The following SAV1 variants were observed in gnomAD, a reference collection of about 807,000 sequenced individuals.
The protein encoded by SAV1 is salvador family WW domain containing protein 1.
A neutral mutation model predicts 47.3 loss-of-function variants in SAV1; 23 were observed. That is an observed-to-expected ratio of 0.49 (90% CI 0.35 to 0.69). SAV1 has a LOEUF of 0.69. Ranked by LOEUF, SAV1 falls within the 30% of genes least tolerant of loss-of-function variation. The probability of loss-of-function intolerance (pLI) is 0.01; values close to 1 mark genes in which losing one functional copy is unlikely to be tolerated. For synonymous variants in SAV1, 155 were observed against 159.2 expected (o/e 0.97, Z 0.20); for missense variants, 448 against 457.4 (o/e 0.98, Z 0.19).
Position 50,667,160 on chromosome 14 carries a change from G to A in SAV1, c.94+714C>T, listed in dbSNP as rs1316615230. 2.6e-5 allele frequency among the ~76,000 whole-genome samples: 4 copies of A among 151,754 alleles called. No individual in the cohort carries two copies. In the East Asian group the frequency reaches 7.8e-4, roughly 29 times the overall value. The stretch of plus-strand genomic sequence containing the variant: ...TCAAATACTTACATTAAGAAGAAAA[G>A]CAGCGGGGGACCGGAGGTGGGGATT... On this transcript the variant is annotated intron_variant, in intron 1 of 4. Transcript: ENST00000324679.
At chr14:50,665,796 T>A (rs571126134) in intron 1 of SAV1, among the ~76,000 whole-genome samples, 177 bp from the exon 2 acceptor site, 1 of 152,322 alleles carries the variant, frequency 6.6e-6, no homozygotes, top group East Asian at 1.9e-4. Flanking sequence ...AAGATTAATA[T>A]TTTCCCAATC....
rs559111047 is a variant in SAV1, at chr14:50,658,725, T to C, written c.535+6454A>G. Reference sequence around the variant, plus strand: ...ATAGATCTATCGCACAAACCTATCCTATCCTCCTACAAACTTACTTTCTCC... The same window carrying C: ...ATAGATCTATCGCACAAACCTATCCCATCCTCCTACAAACTTACTTTCTCC... On this transcript the variant is annotated intron_variant, in intron 2 of 4. Coordinates refer to ENST00000324679, the MANE Select transcript of SAV1 (RefSeq NM_021818.4). Among the ~76,000 whole-genome samples, 9 of 152,360 alleles carry C rather than the reference T, an allele frequency of 5.9e-5. No individual in the cohort carries two copies. In the East Asian group the frequency reaches 1.7e-3, roughly 29 times the overall value.
chr14:50,634,093 T>C lies in SAV1; in HGVS notation c.*1090A>G. The C allele has an allele frequency of 2.6e-6, 1 of 388,092 alleles. No individual in the cohort carries two copies. 24.0% of individuals were successfully genotyped at this position (388,092 alleles called of 1,614,324 possible). A position where few individuals can be genotyped will look rare whatever the true frequency, so the allele number is the denominator to read the frequency against. ...TGTCATTTTTGGTAGCTTAACCCAGTCTGTCAGAAGGCAGTATGCTATGCT... is the reference window on the plus strand; with the variant it reads ...TGTCATTTTTGGTAGCTTAACCCAGCCTGTCAGAAGGCAGTATGCTATGCT... On this transcript the variant is annotated 3_prime_UTR_variant, in exon 5 of 5. Coordinates refer to ENST00000324679, the MANE Select transcript of SAV1 (RefSeq NM_021818.4).
At chr14:50,667,311 C>T (rs2039910012) in intron 1 of SAV1, 1 of 358,678 alleles carries the variant, frequency 2.8e-6, no homozygotes, top group African/African-American at 2.1e-5. Flanking sequence ...AGGCTTTTGG[C>T]TCTCTGCTCT....
chr14:50,645,921 T>A (rs986132452), intron 2 of SAV1, among the ~76,000 whole-genome samples: 4 of 152,156 alleles, frequency 2.6e-5, no homozygotes, highest in African/African-American at 9.7e-5. Context: ...TAATTTATAA[T>A]AGCTCCAAAG....
rs773211544 is a variant in SAV1 at position 50,645,007 on chromosome 14, C to T, written c.543G>A (p.Gly181=). Residue 181 remains glycine, a synonymous_variant, in exon 3 of 5, where the codon GGG becomes GGA. Transcript: ENST00000324679. ...QNQGRHASGI[G]RVAATSLGNL... ...TTCCTAAAGATGTAGCAGCAACTCT[C>T]CCAATACCTACGGGGAAAGAGAAAA... The T allele has an allele frequency of 5.6e-6, 9 of 1,608,142 alleles. No homozygotes were observed. In the South Asian group the frequency reaches 6.6e-5, roughly 12 times the overall value.
rs1181309843 is a variant in SAV1 at position 50,644,909 on chromosome 14, C to T, written c.641G>A (p.Arg214Lys). Residue 214 changes from arginine (R) to lysine (K), a missense_variant, in exon 3 of 5, where the codon AGA becomes AAA. Physicochemically the swap from Arg to Lys is conservative, Grantham distance 26 (BLOSUM62 2). Transcript: ENST00000324679. Reference sequence around the variant, plus strand: ...TGTGTTATGATCTATATAATATTTTCTCCCTCTCATTGTCCAGTCCACAGA... The same window carrying T: ...TGTGTTATGATCTATATAATATTTTTTCCCTCTCATTGTCCAGTCCACAGA... ...GWSVDWTMRG[R>K]KYYIDHNTNT... is the part of the protein sequence containing the mutation. 3 of 1,614,102 alleles carry T rather than the reference C, an allele frequency of 1.9e-6. No individual in the cohort carries two copies. The African/African-American group carries it at 4.0e-5, about 22-fold the overall frequency.
At chr14:50,665,070 T>C (rs1345240561) in intron 2 of SAV1, 109 bp downstream of exon 2, 9 of 1,415,770 alleles carry the variant, frequency 6.4e-6, no homozygotes, top group Middle Eastern at 2.6e-4. Context: ...TGGAAAAACA[T>C]TTCGCTAGTA....
In SAV1 at chr14:50,668,209, T is replaced by A; in HGVS notation, c.-242A>T. 4.1e-6 allele frequency: 1 copy of A among 242,218 alleles called. No homozygotes were observed. The highest frequency in any genetic ancestry group is 7.8e-6 in the Non-Finnish European group (1 of 127,772). The allele number at this position is 242,218 out of a possible 1,614,324, so 15.0% of individuals were successfully genotyped here. A position where few individuals can be genotyped will look rare whatever the true frequency, so the allele number is the denominator to read the frequency against. On this transcript the variant is annotated 5_prime_UTR_variant, in exon 1 of 5. Transcript: ENST00000324679. Reference sequence around the variant, plus strand: ...TTCCTTCCCGGAAGTCGGCCCGCTCTGCGACGCTGCTCGGGGACGCCGTGA... The same window carrying A: ...TTCCTTCCCGGAAGTCGGCCCGCTCAGCGACGCTGCTCGGGGACGCCGTGA...
intron 1 of SAV1, among the ~76,000 whole-genome samples, chr14:50,666,062 A>T (rs2039899376): frequency 6.6e-6 from 1 of 152,198 alleles, no homozygotes; most frequent in African/African-American, 2.4e-5. Context: ...CTTGAAGCAA[A>T]CACAATTTCA....
intron 4 of SAV1, chr14:50,637,621 A>G (rs1298212174): frequency 6.6e-6 from 1 of 151,470 alleles, no homozygotes; most frequent in African/African-American, 2.4e-5. Context: ...TAAGTATTCA[A>G]GTTTTGTCTA....
intron 4 of SAV1, among the ~76,000 whole-genome samples, chr14:50,639,735 A>C (rs1376579746): frequency 6.6e-6 from 1 of 152,214 alleles, no homozygotes; most frequent in Non-Finnish European, 1.5e-5. Flanking sequence ...ATTAAACATG[A>C]CTATAGAGTA....
chr14:50,639,899 C>T (rs140872069), intron 4 of SAV1, among the ~76,000 whole-genome samples: 4 of 152,302 alleles, frequency 2.6e-5, no homozygotes, highest in African/African-American at 9.6e-5. Flanking sequence ...TACAAACATA[C>T]AGCTGTAGGT....
chr14:50,664,288 C>T (rs1473199058), intron 2 of SAV1: 2 of 152,074 alleles, frequency 1.3e-5, no homozygotes, highest in Non-Finnish European at 2.9e-5. Context: ...TTTCTACAGT[C>T]AAAATACTAA....
rs965887518 is a variant in SAV1, at chr14:50,654,973, T to C, written c.536-9959A>G. ...GAACAAGTAGATCACCCTTGTTCGG[T>C]ACCCTTTCAAAAGAAAGCTAACATA... On this transcript the variant is annotated intron_variant, in intron 2 of 4. Coordinates refer to ENST00000324679, the MANE Select transcript of SAV1 (RefSeq NM_021818.4). Among the ~76,000 whole-genome samples the C allele has an allele frequency of 4.8e-4, 70 of 147,070 alleles. No individual in the cohort carries two copies. The Admixed American group carries it at 4.8e-3, about 10-fold the overall frequency.
chr14:50,667,317 G>T, intron 1 of SAV1: 1 of 405,882 alleles, frequency 2.5e-6, no homozygotes, highest in Non-Finnish European at 5.0e-6. Context: ...TTGGCTCTCT[G>T]CTCTGCTGTG....
intron 4 of SAV1, among the ~76,000 whole-genome samples, chr14:50,638,228 A>G (rs1386926982): frequency 6.6e-6 from 1 of 152,064 alleles, no homozygotes; most frequent in African/African-American, 2.4e-5. Context: ...GAAAAGTATA[A>G]ACTCCCATTC....
chr14:50,666,506 G>C (rs1362913329), intron 1 of SAV1, among the ~76,000 whole-genome samples: 2 of 152,044 alleles, frequency 1.3e-5, no homozygotes, highest in Non-Finnish European at 2.9e-5. Flanking sequence ...ACTAACACTG[G>C]ACAGAAACAA....
In SAV1 at chr14:50,652,684, T is replaced by G. The variant is rs373339524; in HGVS notation, c.536-7670A>C. Among the ~76,000 whole-genome samples, 11 of 152,218 alleles carry G rather than the reference T, an allele frequency of 7.2e-5. No individual in the cohort carries two copies. In the East Asian group the frequency reaches 7.7e-4, roughly 11 times the overall value. On this transcript the variant is annotated intron_variant, in intron 2 of 4. Coordinates refer to ENST00000324679, the MANE Select transcript of SAV1 (RefSeq NM_021818.4). ...TCATCTTGGAGAAACGGCTTCTGGG[T>G]CAGGGAAAATACATGATAATATGGA...
Sources: gnomAD v4.1 joint callset for allele counts (sites outside exome capture counted in the v4.1 genomes callset) on GRCh38, gnomAD v4.1.1 for gene constraint, MANE v1.5 for transcripts, NCBI Gene and HGNC (gene_info 2026-07-23, HGNC 2026-07-21) for gene names.